MARCHF1: variants seen among roughly 807,000 people sequenced by gnomAD.
MARCHF1 encodes E3 ubiquitin-protein ligase MARCHF1.
In MARCHF1, 40 loss-of-function variants were observed where a neutral mutation model predicts 54.2. The ratio of observed to expected loss-of-function variants is 0.74; its 90% CI spans 0.57 to 0.96. The LOEUF is 0.96. Ranked by LOEUF, MARCHF1 falls within the 40% of genes least tolerant of loss-of-function variation. The probability of loss-of-function intolerance (pLI) is 0.00; values close to 1 mark genes in which losing one functional copy is unlikely to be tolerated. For synonymous variants in MARCHF1, 236 were observed against 236.3 expected (o/e 1.00, Z 0.01); for missense variants, 586 against 656.5 (o/e 0.89, Z 1.17).
At chr4:164,056,538 A>G (rs1382416508) in intron 2 of MARCHF1, among the ~76,000 whole-genome samples, 1 of 152,034 alleles carries the variant, frequency 6.6e-6, no homozygotes, top group East Asian at 1.9e-4. Flanking sequence ...AGGAACATTC[A>G]TGTAAGAGTG....
intron 3 of MARCHF1, among the ~76,000 whole-genome samples, chr4:163,961,434 G>A (rs1051701402): frequency 2.6e-5 from 4 of 151,990 alleles, no homozygotes; most frequent in African/African-American, 4.8e-5. Context: ...CTATTAATCT[G>A]TGGAAGTGGC....
chr4:164,114,308 A>AT (rs1308976819), intron 1 of MARCHF1, among the ~76,000 whole-genome samples: 7 of 151,918 alleles, frequency 4.6e-5, no homozygotes, highest in Non-Finnish European at 7.4e-5. Flanking sequence ...TATTTAATAT[A>AT]TTTTTATTGC....
intron 7 of MARCHF1, among the ~76,000 whole-genome samples, chr4:163,594,987 T>C (rs562757359): frequency 6.6e-6 from 1 of 152,124 alleles, no homozygotes; most frequent in Non-Finnish European, 1.5e-5. Context: ...CAGATAGGTA[T>C]CTGAACTCCC....
chr4:163,816,294 C>T (rs1041570214), intron 4 of MARCHF1, among the ~76,000 whole-genome samples: 1 of 151,888 alleles, frequency 6.6e-6, no homozygotes, highest in African/African-American at 2.4e-5. Context: ...CCTATGTGAA[C>T]TTTTTGGCAG....
intron 8 of MARCHF1, among the ~76,000 whole-genome samples, chr4:163,562,832 C>T (rs1472190660): frequency 6.6e-6 from 1 of 152,118 alleles, no homozygotes; most frequent in African/African-American, 2.4e-5. Flanking sequence ...ACTGTTCACC[C>T]CATCACTCAG....
At chr4:163,707,211 A>G (rs1199889775) in intron 4 of MARCHF1, among the ~76,000 whole-genome samples, 1 of 152,114 alleles carries the variant, frequency 6.6e-6, no homozygotes, top group Non-Finnish European at 1.5e-5. Context: ...ACCAGAAACT[A>G]TATGTCATTG....
At chr4:164,029,553 G>A (rs1257890334) in intron 2 of MARCHF1, among the ~76,000 whole-genome samples, 1 of 143,030 alleles carries the variant, frequency 7.0e-6, no homozygotes, top group Non-Finnish European at 1.6e-5. Context: ...TCTCACTGAT[G>A]TGAGATTAAA....
At chr4:164,037,364 T>C (rs1223501972) in intron 2 of MARCHF1, among the ~76,000 whole-genome samples, 1 of 152,140 alleles carries the variant, frequency 6.6e-6, no homozygotes, top group African/African-American at 2.4e-5. Flanking sequence ...CAATCCCTGA[T>C]TACAATTATA....
In MARCHF1 at chr4:163,679,785, T is replaced by C. The variant is rs547734188; in HGVS notation, c.162+21028A>G. The stretch of plus-strand genomic sequence containing the variant: ...CCACCACCACGCCCGGCTAATTTTT[T>C]GTATTTTTAGTAGAGACGGGGTTTC... On this transcript the variant is annotated intron_variant, in intron 5 of 9. Transcript: ENST00000514618. Among the ~76,000 whole-genome samples the C allele has an allele frequency of 2.8e-3, 424 of 151,776 alleles. 1 individual carries two copies. Among genetic ancestry groups the C allele is most frequent in the South Asian group, 0.013 (61 of 4,784 alleles).
At chr4:164,345,827 C>A (rs1730077572) in intron 1 of MARCHF1, among the ~76,000 whole-genome samples, 1 of 151,068 alleles carries the variant, frequency 6.6e-6, no homozygotes, top group Non-Finnish European at 1.5e-5. Context: ...TAATTTTTTC[C>A]AACACTTAAG....
Position 164,377,670 on chromosome 4 carries a change from C to T in MARCHF1, c.-323+6200G>A, listed in dbSNP as rs531667553. Among the ~76,000 whole-genome samples the T allele has an allele frequency of 3.3e-5, 5 of 151,886 alleles. No individual in the cohort carries two copies. In the South Asian group the frequency reaches 8.3e-4, roughly 25 times the overall value. The stretch of plus-strand genomic sequence containing the variant: ...GGGTGTGTATTAGTCCTAAAAGAAA[C>T]AAAAGTTTTACCAATTTATTATGTT... On this transcript the variant is annotated intron_variant, in intron 1 of 9. Transcript: ENST00000514618.
intron 1 of MARCHF1, among the ~76,000 whole-genome samples, chr4:164,241,181 T>G (rs1732734750): frequency 6.6e-6 from 1 of 152,114 alleles, no homozygotes; most frequent in African/African-American, 2.4e-5. Context: ...TGACTCAGCC[T>G]TCGAAGACCA....
At chr4:163,617,200 G>T (rs1234622878) in intron 5 of MARCHF1, among the ~76,000 whole-genome samples, 4 of 152,148 alleles carry the variant, frequency 2.6e-5, no homozygotes, top group African/African-American at 9.7e-5. Flanking sequence ...TAAAAATTGG[G>T]CTCATGGGAG....
At chr4:163,807,496 G>T (rs139520856) in intron 4 of MARCHF1, among the ~76,000 whole-genome samples, 1 of 152,074 alleles carries the variant, frequency 6.6e-6, no homozygotes, top group African/African-American at 2.4e-5. Context: ...ATTACCAGAA[G>T]AATTCATATG....
chr4:163,893,451 C>T (rs999627630), intron 3 of MARCHF1, among the ~76,000 whole-genome samples: 1 of 152,058 alleles, frequency 6.6e-6, no homozygotes, highest in African/African-American at 2.4e-5. Context: ...TCTTTTAGGG[C>T]TGTTTGCCAT....
At chr4:163,755,625 T>TC (rs1746642857) in intron 4 of MARCHF1, among the ~76,000 whole-genome samples, 1 of 151,706 alleles carries the variant, frequency 6.6e-6, no homozygotes, top group Non-Finnish European at 1.5e-5. Flanking sequence ...AGATCCCTTT[T>TC]TTTTTTTTTT....
At chr4:163,524,500 T>C (rs190324791), downstream of MARCHF1, 4 of 152,238 alleles carry the variant, frequency 2.6e-5, no homozygotes, top group Non-Finnish European at 4.4e-5. Flanking sequence ...TGAACTCTTT[T>C]TTTAAAGCAG....
At chr4:163,560,205 G>A (rs1041596202) in intron 8 of MARCHF1, among the ~76,000 whole-genome samples, 1 of 152,020 alleles carries the variant, frequency 6.6e-6, no homozygotes, top group African/African-American at 2.4e-5. Context: ...TTCTGTTCTA[G>A]GTTTTATATT....
chr4:163,823,502 T>C (rs1748757893), intron 4 of MARCHF1, among the ~76,000 whole-genome samples: 1 of 151,838 alleles, frequency 6.6e-6, no homozygotes, highest in African/African-American at 2.4e-5. Flanking sequence ...TATTAGAATA[T>C]TAGAGATTTA....
Sources: allele counts gnomAD v4.1 joint callset (sites outside exome capture counted in the v4.1 genomes callset), GRCh38; gene constraint gnomAD v4.1.1; transcripts MANE v1.5; gene names NCBI Gene and HGNC (gene_info 2026-07-23, HGNC 2026-07-21).